CDKL5: variants seen among roughly 807,000 people sequenced by gnomAD.
CDKL5 encodes cyclin-dependent kinase-like 5.
CDKL5 carries 8 observed loss-of-function variants against 61.7 expected under a neutral mutation model. That is an observed-to-expected ratio of 0.13 (90% confidence interval 0.08 to 0.23). CDKL5 has a LOEUF of 0.23. Ranked by LOEUF, CDKL5 falls within the 10% of genes least tolerant of loss-of-function variation. The pLI is 1.00. For synonymous variants in CDKL5, 275 were observed against 272.3 expected (o/e 1.01, Z -0.10); for missense variants, 440 against 734.5 (o/e 0.60, Z 4.63).
At chrX:18,509,197 G>GCACGCGCGCGCGCGCGCACA in intron 2 of CDKL5, among the ~76,000 whole-genome samples, 1 of 64,308 alleles carries the variant, frequency 1.6e-5, no homozygotes, top group East Asian at 6.9e-4. Context: ...CTCAAAACAC[G>GCACGCGCGCGCGCGCGCACA]CACACACACA....
rs1441680254 is a variant in CDKL5 at position 18,639,587 on chromosome X, A to G, written c.*10830A>G. On this transcript the variant is annotated 3_prime_UTR_variant, in exon 18 of 18. Transcript: ENST00000623535. ...TAAAATGATGCAGCCACTTGGGATA[A>G]TAGTTCCTCCAAAGATTAAACAAGA... is the stretch of plus-strand genomic sequence containing the variant. Among the ~76,000 whole-genome samples the G allele has an allele frequency of 8.9e-6, 1 of 112,531 alleles. No individual in the cohort carries two copies. The highest frequency in any genetic ancestry group is 3.2e-5 in the African/African-American group (1 of 30,950).
At chrX:18,443,401 TA>T (rs1931798927) in intron 1 of CDKL5, among the ~76,000 whole-genome samples, 1 of 111,956 alleles carries the variant, frequency 8.9e-6, no homozygotes, top group East Asian at 2.8e-4. Flanking sequence ...GTTACATAGG[TA>T]AACACATGTC....
At chrX:18,543,013 A>G (rs971854066) in intron 3 of CDKL5, among the ~76,000 whole-genome samples, 1 of 110,542 alleles carries the variant, frequency 9.0e-6, no homozygotes, top group Non-Finnish European at 1.9e-5. Flanking sequence ...GCAATGAAAG[A>G]TTAGCTCCTT....
Position 18,475,858 on chromosome X carries a change from T to A in CDKL5, c.-162-31077T>A, listed in dbSNP as rs183795397. 4.2e-3 allele frequency among the ~76,000 whole-genome samples: 472 copies of A among 112,188 alleles called. 1 individual carries two copies. Among genetic ancestry groups the A allele is most frequent in the Non-Finnish European group, 6.8e-3 (361 of 53,291 alleles). ...TTTTCTAGTATCTGAATTTTAAAAA[T>A]ACATTGTATAGAGTTATGTTTACTC... is the stretch of plus-strand genomic sequence containing the variant. On this transcript the variant is annotated intron_variant, in intron 1 of 17. Transcript: ENST00000623535.
chrX:18,497,300 CA>C (rs1922212134), intron 1 of CDKL5: 1 of 111,668 alleles, frequency 9.0e-6, no homozygotes, highest in Non-Finnish European at 1.9e-5. Flanking sequence ...AGTCTTCAGA[CA>C]TTTGGATGTC....
chrX:18,519,693 C>T (rs1282922733), intron 3 of CDKL5, among the ~76,000 whole-genome samples: 1 of 111,435 alleles, frequency 9.0e-6, no homozygotes, highest in Non-Finnish European at 1.9e-5. Flanking sequence ...GTACCCTTTC[C>T]ACCCAAAGAC....
At chrX:18,484,914 A>G (rs768906631) in intron 1 of CDKL5, among the ~76,000 whole-genome samples, 77 of 109,969 alleles carry the variant, frequency 7.0e-4, no homozygotes, top group African/African-American at 2.4e-3. Context: ...ACATACCACC[A>G]TGCCCGGCTG....
downstream of CDKL5, among the ~76,000 whole-genome samples, chrX:18,643,659 G>A (rs149011498): frequency 3.5e-4 from 39 of 111,787 alleles, no homozygotes; most frequent in East Asian, 1.7e-3. Context: ...CGTCTTGGCC[G>A]TACAAATTGT....
At chrX:18,509,247 C>CACACACA (rs1569198549) in intron 2 of CDKL5, among the ~76,000 whole-genome samples, 3 of 70,182 alleles carry the variant, frequency 4.3e-5, no homozygotes, top group East Asian at 9.9e-4. Flanking sequence ...ACACACACAC[C>CACACACA]CCTGTCAAGC....
intron 3 of CDKL5, among the ~76,000 whole-genome samples, chrX:18,516,149 C>T (rs1293808026): frequency 9.0e-6 from 1 of 110,662 alleles, no homozygotes; most frequent in Middle Eastern, 4.2e-3. Context: ...CACCACCATG[C>T]GTGGCTAATT....
intron 9 of CDKL5, chrX:18,589,916 T>C (rs1925771899): frequency 8.8e-6 from 1 of 113,083 alleles, no homozygotes; most frequent in South Asian, 3.6e-4. Flanking sequence ...CATGTGTCTG[T>C]TGGCTGCATA....
intron 1 of CDKL5, among the ~76,000 whole-genome samples, chrX:18,488,795 A>G (rs1445118781): frequency 9.0e-6 from 1 of 111,679 alleles, no homozygotes; most frequent in African/African-American, 3.3e-5. Flanking sequence ...AGGCCATGAT[A>G]GGAAAGACAT....
chrX:18,459,531 C>T (rs758188130), intron 1 of CDKL5, among the ~76,000 whole-genome samples: 15 of 107,836 alleles, frequency 1.4e-4, no homozygotes, highest in Admixed American at 5.0e-4. Flanking sequence ...CACTGCACTC[C>T]GGCCTGGGCG....
chrX:18,444,270 T>G lies in CDKL5; in HGVS notation c.-163+18575T>G, dbSNP rs1334504574. Among the ~76,000 whole-genome samples the G allele has an allele frequency of 4.5e-5, 5 of 111,167 alleles. No homozygotes were observed. In the East Asian group the frequency reaches 1.4e-3, roughly 31 times the overall value. On this transcript the variant is annotated intron_variant, in intron 1 of 17. Transcript: ENST00000623535. ...ATTATTTAGATATGTTTTGGGATTT[T>G]TCATCACATCCTTCGTGTTGTTTAA...
chrX:18,639,602 A>G lies in CDKL5; in HGVS notation c.*10845A>G, dbSNP rs762225413. The stretch of plus-strand genomic sequence containing the variant: ...ACTTGGGATAATAGTTCCTCCAAAG[A>G]TTAAACAAGAGTGACTGTGTGTCCC... On this transcript the variant is annotated 3_prime_UTR_variant, in exon 18 of 18. Transcript: ENST00000623535. Among the ~76,000 whole-genome samples the G allele has an allele frequency of 7.1e-5, 8 of 112,547 alleles. No homozygotes were observed. Among genetic ancestry groups the G allele is most frequent in the South Asian group, 3.7e-4 (1 of 2,727 alleles).
At chrX:18,534,686 A>G (rs951609861) in intron 3 of CDKL5, among the ~76,000 whole-genome samples, 1 of 112,133 alleles carries the variant, frequency 8.9e-6, no homozygotes, top group African/African-American at 3.2e-5. Context: ...GTAAGTATGA[A>G]TTGTTAATTC....
At chrX:18,584,820 G>A (rs751369288) in intron 8 of CDKL5, among the ~76,000 whole-genome samples, 2 of 111,883 alleles carry the variant, frequency 1.8e-5, no homozygotes, top group South Asian at 3.7e-4. Flanking sequence ...CTTTTGCCTC[G>A]TTGGCCAAAG....
chrX:18,554,062 A>G (rs780574982), intron 3 of CDKL5, among the ~76,000 whole-genome samples: 33 of 105,961 alleles, frequency 3.1e-4, no homozygotes, highest in South Asian at 1.3e-3. Context: ...TTATATATAT[A>G]TATTTTTTTT....
At position 18,441,558 on chromosome X, in the gene CDKL5, G is replaced by C. The variant is rs747945108; in HGVS notation, c.-163+15863G>C. Among the ~76,000 whole-genome samples the C allele has an allele frequency of 8.1e-5, 9 of 111,576 alleles. No homozygotes were observed. The Middle Eastern group carries it at 0.014, about 171-fold the overall frequency. ...TGGTTTCACTGGGTGGTGGTGGGGGGGCTTAGAAGCAAAATGATGTTAGTC... is the reference window on the plus strand; with the variant it reads ...TGGTTTCACTGGGTGGTGGTGGGGGCGCTTAGAAGCAAAATGATGTTAGTC... On this transcript the variant is annotated intron_variant, in intron 1 of 17. Transcript: ENST00000623535.
Sources: gnomAD v4.1 joint callset for allele counts (sites outside exome capture counted in the v4.1 genomes callset) on GRCh38, gnomAD v4.1.1 for gene constraint, MANE v1.5 for transcripts, NCBI Gene and HGNC (gene_info 2026-07-23, HGNC 2026-07-21) for gene names.